Variants in FUT9 observed in about 807,000 individuals in gnomAD.
FUT9 encodes fucosyltransferase 9.
Under a neutral mutation model 29.7 loss-of-function variants are expected in FUT9, and 15 were observed. The observed-to-expected ratio is 0.51, with a 90% CI of 0.34 to 0.78. The LOEUF is 0.78. FUT9 is among the 30% of genes least tolerant of loss of function. FUT9 has a pLI of 0.01. For synonymous variants in FUT9, 169 were observed against 153.7 expected (o/e 1.10, Z -0.74); for missense variants, 319 against 425.4 (o/e 0.75, Z 2.20).
chr6:96,113,733 AGT>A (rs1771856158), intron 1 of FUT9, among the ~76,000 whole-genome samples: 6 of 151,716 alleles, frequency 4.0e-5, no homozygotes, highest in Admixed American at 3.9e-4. Context: ...GGGCGCCTGT[AGT>A]CCCAGCTACT....
At chr6:96,177,180 T>A (rs554186609) in intron 2 of FUT9, among the ~76,000 whole-genome samples, 1 of 152,204 alleles carries the variant, frequency 6.6e-6, no homozygotes, top group South Asian at 2.1e-4. Flanking sequence ...AGCATTAAAA[T>A]TTTTTTCTCT....
intron 1 of FUT9, among the ~76,000 whole-genome samples, chr6:96,056,026 C>T (rs1770761089): frequency 6.6e-6 from 1 of 151,920 alleles, no homozygotes; most frequent in Non-Finnish European, 1.5e-5. Flanking sequence ...TTGAAGTCTT[C>T]TTCTATTTCT....
At chr6:96,047,215 G>A (rs1025500320) in intron 1 of FUT9, among the ~76,000 whole-genome samples, 1 of 152,124 alleles carries the variant, frequency 6.6e-6, no homozygotes, top group African/African-American at 2.4e-5. Flanking sequence ...AGAACCAGTA[G>A]TGTTATCCAA....
intron 2 of FUT9, among the ~76,000 whole-genome samples, chr6:96,141,529 C>CA (rs1772463570): frequency 6.6e-6 from 1 of 152,068 alleles, no homozygotes; most frequent in African/African-American, 2.4e-5. Flanking sequence ...CCAGGGGGAT[C>CA]AGAGAAGCTG....
At chr6:96,156,999 A>T (rs1024407075) in intron 2 of FUT9, among the ~76,000 whole-genome samples, 2 of 152,170 alleles carry the variant, frequency 1.3e-5, no homozygotes, top group Admixed American at 1.3e-4. Context: ...TTCCTATTAA[A>T]TTTGTGTTGG....
At position 96,032,825 on chromosome 6, in the gene FUT9, G is replaced by C. The variant is rs148606084; in HGVS notation, c.-98+16613G>C. ...TAAGCCTGGCCCTGTCTATAGGCAGGCTGTGTAACCAGAGAGATAACAGCA... is the reference window on the plus strand; with the variant it reads ...TAAGCCTGGCCCTGTCTATAGGCAGCCTGTGTAACCAGAGAGATAACAGCA... On this transcript the variant is annotated intron_variant, in intron 1 of 2. Coordinates refer to ENST00000302103, the MANE Select transcript of FUT9 (RefSeq NM_006581.4). Among the ~76,000 whole-genome samples, 101 of 151,638 alleles carry C rather than the reference G, an allele frequency of 6.7e-4. 1 individual carries two copies. The East Asian group carries it at 0.015, about 23-fold the overall frequency.
chr6:96,200,045 G>C (rs755016277), intron 2 of FUT9, among the ~76,000 whole-genome samples: 8 of 152,278 alleles, frequency 5.3e-5, no homozygotes, highest in Middle Eastern at 3.4e-3. Context: ...GGCTTGAAAA[G>C]TATTTTGTGC....
At chr6:96,114,499 AT>A (rs1419750514) in intron 2 of FUT9, among the ~76,000 whole-genome samples, 1 of 151,744 alleles carries the variant, frequency 6.6e-6, no homozygotes, top group Non-Finnish European at 1.5e-5. Context: ...TTGCAATCTA[AT>A]TTTGAATTTT....
intron 2 of FUT9, among the ~76,000 whole-genome samples, chr6:96,192,052 T>C (rs189399211): frequency 6.6e-6 from 1 of 152,250 alleles, no homozygotes; most frequent in African/African-American, 2.4e-5. Flanking sequence ...TGGACGTATC[T>C]CAAAATAATA....
intron 1 of FUT9, among the ~76,000 whole-genome samples, chr6:96,050,811 C>CTCTTTT (rs1055510679): frequency 1.3e-5 from 2 of 152,082 alleles, no homozygotes; most frequent in African/African-American, 4.8e-5. Flanking sequence ...GCTGTCAAGT[C>CTCTTTT]TCTTTTTCTT....
At chr6:96,137,593 A>C (rs1200218478) in intron 2 of FUT9, among the ~76,000 whole-genome samples, 1 of 152,104 alleles carries the variant, frequency 6.6e-6, no homozygotes, top group African/African-American at 2.4e-5. Context: ...CTTAACATCA[A>C]GAGTGGTAAG....
intron 1 of FUT9, among the ~76,000 whole-genome samples, chr6:96,062,711 T>A (rs1770897644): frequency 6.6e-6 from 1 of 152,184 alleles, no homozygotes; most frequent in Non-Finnish European, 1.5e-5. Context: ...TCTTTATACC[T>A]TTTTGTATGG....
intron 2 of FUT9, among the ~76,000 whole-genome samples, chr6:96,168,289 T>C (rs560298699): frequency 6.6e-6 from 1 of 152,270 alleles, no homozygotes; most frequent in East Asian, 1.9e-4. Context: ...GCTCTGGAGA[T>C]ACATAATTGG....
At chr6:96,080,544 A>T (rs1325574024) in intron 1 of FUT9, among the ~76,000 whole-genome samples, 1 of 152,016 alleles carries the variant, frequency 6.6e-6, no homozygotes, top group Non-Finnish European at 1.5e-5. Flanking sequence ...AAAACACTAT[A>T]TTGGGAAAAT....
intron 2 of FUT9, among the ~76,000 whole-genome samples, chr6:96,174,163 A>G (rs533217578): frequency 3.9e-4 from 60 of 152,212 alleles, no homozygotes; most frequent in African/African-American, 1.4e-3. Flanking sequence ...GCAACACTTT[A>G]AAGAGATGTG....
chr6:96,159,198 T>A (rs569946993), intron 2 of FUT9, among the ~76,000 whole-genome samples: 9 of 152,198 alleles, frequency 5.9e-5, no homozygotes, highest in African/African-American at 1.9e-4. Flanking sequence ...TTGCATCATA[T>A]CTTTAAGCAA....
intron 2 of FUT9, among the ~76,000 whole-genome samples, chr6:96,178,741 G>C (rs960642081): frequency 8.6e-5 from 13 of 151,966 alleles, no homozygotes; most frequent in African/African-American, 3.1e-4. Flanking sequence ...ATAAATGGAA[G>C]GAATATGAAC....
At chr6:96,176,760 G>A (rs559913052) in intron 2 of FUT9, among the ~76,000 whole-genome samples, 3 of 152,114 alleles carry the variant, frequency 2.0e-5, no homozygotes, top group African/African-American at 4.8e-5. Flanking sequence ...TTGGTTCTGC[G>A]GCCGGGATAA....
intron 2 of FUT9, among the ~76,000 whole-genome samples, chr6:96,164,594 T>C (rs1269241760): frequency 1.3e-5 from 2 of 152,166 alleles, no homozygotes; most frequent in Admixed American, 6.5e-5. Context: ...TAAAAGCTTC[T>C]TATCAGACCT....
Sources: allele counts gnomAD v4.1 joint callset (sites outside exome capture counted in the v4.1 genomes callset), GRCh38; gene constraint gnomAD v4.1.1; transcripts MANE v1.5; gene names NCBI Gene and HGNC (gene_info 2026-07-23, HGNC 2026-07-21).